The following NUP107 variants were observed in gnomAD, a reference collection of about 807,000 sequenced individuals.
The protein encoded by NUP107 is nuclear pore complex protein Nup107.
NUP107 carries 101 observed loss-of-function variants against 141.0 expected under a neutral mutation model. The ratio of observed to expected loss-of-function variants is 0.72; its 90% CI spans 0.61 to 0.84. The LOEUF (loss-of-function observed/expected upper bound fraction) is 0.84, where lower values mean the gene tolerates loss of function less well. Among genes scored for constraint, NUP107 ranks in the 40% least tolerant of loss-of-function variants. The pLI is 0.00. For missense variants in NUP107, 941 were observed against 1,102.7 expected, an observed-to-expected ratio of 0.85 and a Z score of 2.08; for synonymous variants, 319 against 363.9, an observed-to-expected ratio of 0.88 and a Z score of 1.41.
rs1053226451 is a variant in NUP107, at chr12:68,706,252, C to T, written c.730-2986C>T. On this transcript the variant is annotated intron_variant, in intron 8 of 27. Transcript: ENST00000229179. ...AGGATATGGATGAAGCTTACAAGAACAAGGTAGAGCTGGAGTCTCACCTGG... is the reference window on the plus strand; with the variant it reads ...AGGATATGGATGAAGCTTACAAGAATAAGGTAGAGCTGGAGTCTCACCTGG... 9.0e-6 allele frequency: 7 copies of T among 773,764 alleles called. No individual in the cohort carries two copies. In the African/African-American group the frequency reaches 1.0e-4, roughly 11 times the overall value. 47.9% of individuals were successfully genotyped at this position (773,764 alleles called of 1,614,324 possible).
intron 26 of NUP107, chr12:68,739,674 A>G (rs1006855473): frequency 1.3e-5 from 2 of 152,270 alleles, no homozygotes; most frequent in African/African-American, 4.8e-5. Flanking sequence ...CATCTCTACT[A>G]AAAATACAAA....
In NUP107 at chr12:68,691,989, A is replaced by G. The variant is rs772346310; in HGVS notation, c.325A>G (p.Asn109Asp). Residue 109 changes from asparagine (N) to aspartate (D), a missense_variant, in exon 5 of 28, where the codon AAC (asparagine) becomes GAC (aspartate). Coordinates refer to ENST00000229179, the MANE Select transcript of NUP107 (RefSeq NM_020401.4). ...TAAGGTTACTAATCTGGATGACAGT[A>G]ACTGGGCAGCTGCATTTTCATCACA... ...LSMVTNLDDS[N>D]WAAAFSSQRS... The G allele has an allele frequency of 6.2e-7, 1 of 1,602,746 alleles. No homozygotes were observed. The highest frequency in any genetic ancestry group is 8.5e-7 in the Non-Finnish European group (1 of 1,177,100).
At chr12:68,706,461 C>T (rs1876585937) in intron 8 of NUP107, 2 of 730,938 alleles carry the variant, frequency 2.7e-6, no homozygotes, top group Middle Eastern at 3.1e-4. Flanking sequence ...CACAACCAGG[C>T]TGAGGCTGAG....
chr12:68,709,993 T>G lies in NUP107; in HGVS notation c.802-12T>G, dbSNP rs1876772496. 1 of 1,524,262 alleles carries G rather than the reference T, an allele frequency of 6.6e-7. No homozygotes were observed. Among genetic ancestry groups the G allele is most frequent in the African/African-American group, 1.4e-5 (1 of 73,084 alleles). The allele number at this position is 1,524,262 out of a possible 1,614,324, so 94.4% of individuals were successfully genotyped here. ...TAGTTAACACTAATTTATTTTTTTC[T>G]TTCTTTCTTAGCTGGTGGTAGATTG... On this transcript the variant is annotated splice_polypyrimidine_tract_variant and intron_variant, in intron 9 of 27. Transcript: ENST00000229179.
At chr12:68,734,890 T>C (rs931711631) in intron 25 of NUP107, 57 bp downstream of exon 25, 1 of 1,543,206 alleles carries the variant, frequency 6.5e-7, no homozygotes, top group African/African-American at 1.4e-5. Context: ...GTGTGTTGTA[T>C]ATTTAAAGAG....
intron 2 of NUP107, 69 bp downstream of exon 2, chr12:68,689,122 CT>C: frequency 7.6e-7 from 1 of 1,308,984 alleles, no homozygotes; most frequent in Non-Finnish European, 1.1e-6. Flanking sequence ...GTAGAATTTT[CT>C]TTTTATAAGA....
intron 26 of NUP107, among the ~76,000 whole-genome samples, chr12:68,737,026 G>A (rs985343035): frequency 3.4e-4 from 51 of 152,014 alleles, no homozygotes; most frequent in African/African-American, 1.1e-3. Context: ...TTATCCTAAC[G>A]TTCGTAATAG....
chr12:68,742,883 T>A lies in NUP107; in HGVS notation c.*421T>A, dbSNP rs2136057837. The A allele has an allele frequency of 6.6e-6, 1 of 152,228 alleles. No homozygotes were observed. The highest frequency in any genetic ancestry group is 1.9e-4 in the East Asian group (1 of 5,208). 9.4% of individuals were successfully genotyped at this position (152,228 alleles called of 1,614,324 possible). A position where few individuals can be genotyped will look rare whatever the true frequency, so the allele number is the denominator to read the frequency against. ...AATATTAAAATTAAGAAGATGACTA[T>A]AACAAGAATTTTTCTAACATAACAT... On this transcript the variant is annotated 3_prime_UTR_variant, in exon 28 of 28. Transcript: ENST00000229179.
Position 68,742,487 on chromosome 12 carries a change from T to G in NUP107, c.*25T>G. ...GTTTAATCTTTGTAATCTCACTAATTTTCATGATAAATGAAGTTTTTAATA... is the reference window on the plus strand; with the variant it reads ...GTTTAATCTTTGTAATCTCACTAATGTTCATGATAAATGAAGTTTTTAATA... On this transcript the variant is annotated 3_prime_UTR_variant, in exon 28 of 28. Transcript: ENST00000229179. The G allele has an allele frequency of 8.0e-7, 1 of 1,249,654 alleles. No individual in the cohort carries two copies. The highest frequency in any genetic ancestry group is 1.1e-6 in the Non-Finnish European group (1 of 888,930). 77.4% of individuals were successfully genotyped at this position (1,249,654 alleles called of 1,614,324 possible).
intron 7 of NUP107, among the ~76,000 whole-genome samples, chr12:68,702,340 G>A (rs1256599402): frequency 6.6e-6 from 1 of 152,038 alleles, no homozygotes. Flanking sequence ...GGCCAGGCTG[G>A]TCTCGAACAC....
intron 20 of NUP107, among the ~76,000 whole-genome samples, chr12:68,729,875 AC>A (rs2136042495): frequency 6.6e-6 from 1 of 150,392 alleles, no homozygotes; most frequent in African/African-American, 2.4e-5. Context: ...ACTGTACTGT[AC>A]CCTCTGCCTC....
intron 6 of NUP107, 25 bp from the exon 7 acceptor site, chr12:68,700,701 C>G (rs890572217): frequency 3.2e-6 from 5 of 1,547,186 alleles, no homozygotes; most frequent in African/African-American, 2.8e-5. Context: ...AAATTAACCT[C>G]TTTACATCTG....
At position 68,744,547 on chromosome 12, in the gene NUP107, C is replaced by T. The variant is rs185162933; in HGVS notation, c.*2085C>T. ...TACAGGCGCCTGCCACCACGCCTGGCTAATTTTTGTATTTTTAGTAGAGAC... is the reference window on the plus strand; with the variant it reads ...TACAGGCGCCTGCCACCACGCCTGGTTAATTTTTGTATTTTTAGTAGAGAC... On this transcript the variant is annotated 3_prime_UTR_variant, in exon 28 of 28. Coordinates refer to ENST00000229179, the MANE Select transcript of NUP107 (RefSeq NM_020401.4). The T allele has an allele frequency of 6.6e-6, 1 of 152,324 alleles. No homozygotes were observed. The highest frequency in any genetic ancestry group is 1.9e-4 in the East Asian group (1 of 5,180). The allele number at this position is 152,324 out of a possible 1,614,324, so 9.4% of individuals were successfully genotyped here. A position where few individuals can be genotyped will look rare whatever the true frequency, so the allele number is the denominator to read the frequency against.
intron 20 of NUP107, among the ~76,000 whole-genome samples, chr12:68,730,214 C>CTTTTTTTTTTTTTTTTTTT (rs756700880): frequency 1.2e-5 from 1 of 85,382 alleles, no homozygotes; most frequent in Non-Finnish European, 2.2e-5. Flanking sequence ...GTGATACTAC[C>CTTTTTTTTTTTTTTTTTTT]TTTTTTTTTT....
Position 68,725,843 on chromosome 12 carries a change from T to TTTG in NUP107, c.1576+49_1576+50insGTT, listed in dbSNP as rs780454982. ...CTTTGTGTTTTTTGTGTGTGTTTTTTTTTTTTTTTTTGAGACAAAGTCTCA... is the reference window on the plus strand; with the variant it reads ...CTTTGTGTTTTTTGTGTGTGTTTTTTTTGTTTTTTTTTTTGAGACAAAGTCTCA... On this transcript the variant is annotated intron_variant, in intron 18 of 27. Coordinates refer to ENST00000229179, the MANE Select transcript of NUP107 (RefSeq NM_020401.4). 5.2e-3 allele frequency: 5,492 copies of TTTG among 1,065,702 alleles called. 205 individuals carry two copies. In the African/African-American group the frequency reaches 0.077, roughly 15 times the overall value. The allele number at this position is 1,065,702 out of a possible 1,614,324, so 66.0% of individuals were successfully genotyped here.
chr12:68,738,937 G>A (rs1318646630), intron 26 of NUP107, among the ~76,000 whole-genome samples: 1 of 151,862 alleles, frequency 6.6e-6, no homozygotes, highest in African/African-American at 2.4e-5. Context: ...TTTTCTTGAT[G>A]TACAAGAGTA....
At chr12:68,691,748 G>A (rs1262168673) in intron 4 of NUP107, among the ~76,000 whole-genome samples, 2 of 151,850 alleles carry the variant, frequency 1.3e-5, no homozygotes, top group East Asian at 3.9e-4. Flanking sequence ...GTGGGAAGAT[G>A]GCTTGAGCCT....
At chr12:68,693,294 C>T (rs1438362235) in intron 5 of NUP107, among the ~76,000 whole-genome samples, 1 of 152,084 alleles carries the variant, frequency 6.6e-6, no homozygotes, top group African/African-American at 2.4e-5. Flanking sequence ...CCAGGCTGAT[C>T]TCGAACTCCT....
chr12:68,712,244 A>G (rs1876889333), intron 10 of NUP107, among the ~76,000 whole-genome samples: 1 of 151,986 alleles, frequency 6.6e-6, no homozygotes, highest in Admixed American at 6.6e-5. Context: ...GCACTTTGGG[A>G]GGCCAAGGCA....
Sources: allele counts gnomAD v4.1 joint callset (sites outside exome capture counted in the v4.1 genomes callset), GRCh38; gene constraint gnomAD v4.1.1; transcripts MANE v1.5; gene names NCBI Gene and HGNC (gene_info 2026-07-23, HGNC 2026-07-21).